The following VPS9D1 variants were observed in gnomAD, a reference collection of about 807,000 sequenced individuals.
VPS9D1 encodes VPS9 domain containing 1, also known as VPS9 domain-containing protein 1.
VPS9D1 carries 78 observed loss-of-function variants against 75.8 expected under a neutral mutation model. The ratio of observed to expected loss-of-function variants is 1.03; its 90% CI spans 0.86 to 1.24. The LOEUF (loss-of-function observed/expected upper bound fraction) is 1.24. Among genes scored for constraint, VPS9D1 ranks in the 50% most tolerant of loss-of-function variants. VPS9D1 has a pLI of 0.00. For synonymous variants in VPS9D1, 481 were observed against 385.6 expected, an observed-to-expected ratio of 1.25 and a Z score of -2.90; for missense variants, 1,057 against 847.7, an observed-to-expected ratio of 1.25 and a Z score of -3.07.
intron 4 of VPS9D1, among the ~76,000 whole-genome samples, chr16:89,716,245 A>G (rs1018404968): frequency 1.3e-5 from 2 of 152,034 alleles, no homozygotes; most frequent in Non-Finnish European, 2.9e-5. Flanking sequence ...GGGCGCCTGT[A>G]GTCTCAGCTA....
At chr16:89,711,830 C>G in intron 8 of VPS9D1, 52 bp downstream of exon 8, 1 of 1,537,758 alleles carries the variant, frequency 6.5e-7, no homozygotes, top group Non-Finnish European at 8.8e-7. Context: ...GCTCTGACCC[C>G]GCCCCCCTCG....
rs951242114 is a variant in VPS9D1 at position 89,712,706 on chromosome 16, G to A, written c.442C>T (p.Pro148Ser). The change falls in exon 5 of 15, where the codon CCA becomes TCA. Residue 148 changes from proline to serine, a missense_variant. Physicochemically the swap from Pro to Ser is moderately conservative, Grantham distance 74 (BLOSUM62 -1). Transcript: ENST00000389386. The stretch of plus-strand genomic sequence containing the variant: ...TTCTGCAGGGAGGCCTCCTCCAGTG[G>A]CGTCAGCTCTCTGGAAATGTGACAA... Reference protein sequence around the residue: ...ESQSCKKELTPLEEASLQNQK... With the variant: ...ESQSCKKELTSLEEASLQNQK... 1.2e-6 allele frequency: 2 copies of A among 1,602,206 alleles called. No homozygotes were observed. The highest frequency in any genetic ancestry group is 1.4e-5 in the African/African-American group (1 of 73,978).
rs1343378318 is a variant in VPS9D1, at chr16:89,707,939, C to G, written c.1818G>C (p.Glu606Asp). ...GCAGTGATGTGAGGCAGTAGCCCTC[C>G]TCTCCGATCAGGTACCTGCATGGAT... Reference protein sequence around the residue: ...EFIHEGYLIGEEGYCLTSLQS... With the variant: ...EFIHEGYLIGDEGYCLTSLQS... Residue 606 changes from glutamate (E) to aspartate (D), a missense_variant, in exon 15 of 15, where the codon GAG (glutamate) becomes GAC (aspartate). Physicochemically the swap from Glu to Asp is conservative, Grantham distance 45. Coordinates refer to ENST00000389386, the MANE Select transcript of VPS9D1 (RefSeq NM_004913.3). 1 of 1,613,014 alleles carries G rather than the reference C, an allele frequency of 6.2e-7. No individual in the cohort carries two copies. Among genetic ancestry groups the G allele is most frequent in the Non-Finnish European group, 8.5e-7 (1 of 1,179,948 alleles).
chr16:89,712,887 C>G (rs1171908850), intron 4 of VPS9D1, 171 bp from the exon 5 acceptor site: 1 of 570,844 alleles, frequency 1.8e-6, no homozygotes, highest in African/African-American at 1.9e-5. Flanking sequence ...CCTGCCCTTC[C>G]AAAACACAGG....
In VPS9D1 at chr16:89,710,803, C is replaced by G; in HGVS notation, c.1041G>C (p.Gln347His). Residue 347 changes from glutamine to histidine, a missense_variant, in exon 10 of 15, where the codon CAG becomes CAC. By Grantham distance (24) the Gln-to-His change is conservative. Coordinates refer to ENST00000389386, the MANE Select transcript of VPS9D1 (RefSeq NM_004913.3). ...PPEPSAAPRP[Q>H]DSPPTPPLQP... The stretch of plus-strand genomic sequence containing the variant: ...GGAGTGGGGGCGTGGGGGGACTGTC[C>G]TGGGGCCGCGGGGCTGCGCTGGGCT... The G allele has an allele frequency of 6.5e-7, 1 of 1,545,014 alleles. No homozygotes were observed. The highest frequency in any genetic ancestry group is 8.7e-7 in the Non-Finnish European group (1 of 1,142,902).
intron 2 of VPS9D1, 145 bp from the exon 3 acceptor site, chr16:89,716,967 C>CG (rs1175161649): frequency 1.6e-6 from 1 of 638,580 alleles, no homozygotes; most frequent in African/African-American, 2.3e-5. Flanking sequence ...ACTGCCCCCC[C>CG]ATCCCCTCAC....
At position 89,709,286 on chromosome 16, in the gene VPS9D1, G is replaced by T. The variant is rs1363980440; in HGVS notation, c.1538C>A (p.Ala513Asp). The change falls in exon 12 of 15, where the codon GCC becomes GAC. Residue 513 changes from alanine to aspartate, a missense_variant. Ala to Asp is a moderately radical substitution (Grantham distance 126). Coordinates refer to ENST00000389386, the MANE Select transcript of VPS9D1 (RefSeq NM_004913.3). ...CAGGACCAGCAGTCCGAGCTCCTGG[G>T]CCGCCGCGCAGTAGGGGTAGCCAGT... is the stretch of plus-strand genomic sequence containing the variant. ...GATGYPYCAA[A>D]QELGLLVLES... 6.2e-7 allele frequency: 1 copy of T among 1,610,468 alleles called. No individual in the cohort carries two copies. Among genetic ancestry groups the T allele is most frequent in the African/African-American group, 1.3e-5 (1 of 74,996 alleles).
chr16:89,718,105 G>A (rs2061132366), intron 2 of VPS9D1: 5 of 454,562 alleles, frequency 1.1e-5, no homozygotes, highest in South Asian at 3.1e-5. Flanking sequence ...CCTGACCTCT[G>A]TGATCCTTTG....
chr16:89,716,351 G>A, intron 4 of VPS9D1, 111 bp downstream of exon 4: 1 of 1,506,888 alleles, frequency 6.6e-7, no homozygotes, highest in Non-Finnish European at 9.0e-7. Context: ...GGGTGACAGA[G>A]TGAGACTCTG....
chr16:89,712,448 C>G lies in VPS9D1; in HGVS notation c.606+12G>C. On this transcript the variant is annotated intron_variant, in intron 6 of 14. Coordinates refer to ENST00000389386, the MANE Select transcript of VPS9D1 (RefSeq NM_004913.3). The stretch of plus-strand genomic sequence containing the variant: ...TCCCCTCGGGGACCACCAGGGCGGT[C>G]AGAAAGGCTGCTGTCTCCTCCCGGG... 6 of 1,612,820 alleles carry G rather than the reference C, an allele frequency of 3.7e-6. No homozygotes were observed. The highest frequency in any genetic ancestry group is 4.2e-6 in the Non-Finnish European group (5 of 1,179,976).
chr16:89,717,364 T>C (rs1440282077), intron 2 of VPS9D1: 2 of 354,274 alleles, frequency 5.6e-6, no homozygotes, highest in Non-Finnish European at 1.1e-5. Flanking sequence ...AGTGGCCGTT[T>C]TACAGAGACA....
At chr16:89,720,718 A>T in intron 1 of VPS9D1, 45 bp downstream of exon 1, 1 of 1,403,022 alleles carries the variant, frequency 7.1e-7, no homozygotes, top group Non-Finnish European at 9.3e-7. Flanking sequence ...GGGTCCCTCC[A>T]GGGGCCACCC....
intron 2 of VPS9D1, chr16:89,717,794 G>A (rs545206411): frequency 1.1e-4 from 51 of 456,568 alleles, no homozygotes; most frequent in African/African-American, 8.8e-4. Flanking sequence ...CGAGCTCACC[G>A]GCTCCCTAGG....
chr16:89,709,177 C>T (rs2060858483), intron 12 of VPS9D1, 50 bp downstream of exon 12: 11 of 1,605,964 alleles, frequency 6.8e-6, no homozygotes, highest in Non-Finnish European at 9.4e-6. Context: ...CTCCAGGTCA[C>T]CTACTGGGAT....
intron 1 of VPS9D1, chr16:89,719,351 G>A: frequency 3.4e-6 from 2 of 587,566 alleles, no homozygotes; most frequent in East Asian, 7.3e-5. Flanking sequence ...GAGAGAGCCA[G>A]GGACGAGCTG....
At chr16:89,720,503 C>CAGGT (rs1314647284) in intron 1 of VPS9D1, 1 of 1,135,976 alleles carries the variant, frequency 8.8e-7, no homozygotes, top group Non-Finnish European at 1.1e-6. Context: ...ATCTCCTCTA[C>CAGGT]AGGTGGAGCC....
At position 89,714,696 on chromosome 16, in the gene VPS9D1, G is replaced by A. The variant is rs573180539; in HGVS notation, c.431+1766C>T. Among the ~76,000 whole-genome samples the A allele has an allele frequency of 3.9e-5, 6 of 152,278 alleles. No individual in the cohort carries two copies. In the South Asian group the frequency reaches 1.2e-3, roughly 32 times the overall value. On this transcript the variant is annotated intron_variant, in intron 4 of 14. Transcript: ENST00000389386. The stretch of plus-strand genomic sequence containing the variant: ...TATCTTTCATCAGTTCTAGACAACT[G>A]TCTGCCATTCTAACTTCTAATAATG...
At chr16:89,714,531 C>T (rs2151632667) in intron 4 of VPS9D1, among the ~76,000 whole-genome samples, 1 of 152,354 alleles carries the variant, frequency 6.6e-6, no homozygotes, top group East Asian at 1.9e-4. Flanking sequence ...AGCCTGACGC[C>T]TGGCCACCCT....
chr16:89,719,897 T>C (rs1416341973), intron 1 of VPS9D1, among the ~76,000 whole-genome samples: 2 of 152,210 alleles, frequency 1.3e-5, no homozygotes, highest in African/African-American at 4.8e-5. Flanking sequence ...TTTTGTATTT[T>C]TAGTAGAGAC....
Sources: gnomAD v4.1 joint callset for allele counts (sites outside exome capture counted in the v4.1 genomes callset) on GRCh38, gnomAD v4.1.1 for gene constraint, MANE v1.5 for transcripts, NCBI Gene and HGNC (gene_info 2026-07-23, HGNC 2026-07-21) for gene names.